Variants in MAPK13 observed in about 807,000 individuals in gnomAD.
MAPK13 encodes the protein mitogen-activated protein kinase 13.
In MAPK13, 39 loss-of-function variants were observed where a neutral mutation model predicts 53.5. The observed-to-expected ratio is 0.73, with a 90% CI of 0.56 to 0.95. The LOEUF (loss-of-function observed/expected upper bound fraction) is 0.95. Among genes scored for constraint, MAPK13 ranks in the 40% least tolerant of loss-of-function variants. The pLI is 0.00. For missense variants in MAPK13, 460 were observed against 471.8 expected (o/e 0.98, Z 0.23); for synonymous variants, 179 against 190.9 (o/e 0.94, Z 0.51).
chr6:36,135,920 G>A, intron 4 of MAPK13, 59 bp downstream of exon 4: 3 of 1,597,736 alleles, frequency 1.9e-6, no homozygotes, highest in Non-Finnish European at 2.6e-6. Context: ...CCTGAGGTTT[G>A]GGGAGGCTGG....
At chr6:36,135,344 A>G (rs1010183848) in intron 3 of MAPK13, among the ~76,000 whole-genome samples, 1 of 152,218 alleles carries the variant, frequency 6.6e-6, no homozygotes, top group Non-Finnish European at 1.5e-5. Flanking sequence ...TTGTGGAGCC[A>G]TCTCAGCTGG....
chr6:36,131,466 G>T, intron 2 of MAPK13, 66 bp downstream of exon 2: 2 of 1,502,724 alleles, frequency 1.3e-6, no homozygotes, highest in Admixed American at 3.6e-5. Context: ...AGGCGCAGGC[G>T]GGGCCTCCCG....
At chr6:36,137,899 C>T (rs1766450819) in intron 8 of MAPK13, among the ~76,000 whole-genome samples, 1 of 130,780 alleles carries the variant, frequency 7.6e-6, no homozygotes, top group Non-Finnish European at 1.5e-5. Flanking sequence ...GTGGAGGTTG[C>T]AGTGAGCCAA....
chr6:36,135,725 T>C, intron 3 of MAPK13, 28 bp from the exon 4 acceptor site: 2 of 1,554,572 alleles, frequency 1.3e-6, no homozygotes, highest in South Asian at 1.1e-5. Context: ...GACCCGGCAC[T>C]GTTCCAAGAA....
At position 36,130,826 on chromosome 6, in the gene MAPK13, T is replaced by C; in HGVS notation, c.119+125T>C. 1 of 530,692 alleles carries C rather than the reference T, an allele frequency of 1.9e-6. No individual in the cohort carries two copies. 32.9% of individuals were successfully genotyped at this position (530,692 alleles called of 1,614,324 possible). ...CCGCGGACCTCAAGGCCCAGCGCCCTCCCCGGGGCCACCCAGCGGCCATCT... is the reference window on the plus strand; with the variant it reads ...CCGCGGACCTCAAGGCCCAGCGCCCCCCCCGGGGCCACCCAGCGGCCATCT... On this transcript the variant is annotated intron_variant, in intron 1 of 11. Coordinates refer to ENST00000211287, the MANE Select transcript of MAPK13 (RefSeq NM_002754.5). This position sits in a 1 kb window ranked among gnomAD's most constrained non-coding sequence, Gnocchi z 4.5.
At position 36,131,473 on chromosome 6, in the gene MAPK13, C is replaced by T. The variant is rs1473402326; in HGVS notation, c.249+73C>T. The T allele has an allele frequency of 3.4e-6, 5 of 1,476,378 alleles. No homozygotes were observed. The South Asian group carries it at 6.2e-5, about 18-fold the overall frequency. 91.5% of individuals were successfully genotyped at this position (1,476,378 alleles called of 1,614,324 possible). ...TCAGGGGCAGGCGCAGGCGGGGCCT[C>T]CCGGTATGGAGAGCTCGGGACAGTC... On this transcript the variant is annotated intron_variant, in intron 2 of 11. Coordinates refer to ENST00000211287, the MANE Select transcript of MAPK13 (RefSeq NM_002754.5).
chr6:36,132,801 A>ACAGGACTGCCAGG, intron 3 of MAPK13, 122 bp downstream of exon 3: 1 of 1,001,020 alleles, frequency 1.0e-6, no homozygotes, highest in Non-Finnish European at 1.6e-6. Flanking sequence ...CTTCCCTGGC[A>ACAGGACTGCCAGG]GTCCTGTGCC....
chr6:36,138,937 GC>G lies in MAPK13; in HGVS notation c.901del (p.Gln301ArgfsTer28), dbSNP rs762497888. On this transcript the variant is annotated frameshift_variant, in exon 11 of 12. Coordinates refer to ENST00000211287, the MANE Select transcript of MAPK13 (RefSeq NM_002754.5). LOFTEE classifies it high-confidence loss of function. ...LDVDKRLTAA[Q>X]ALTHPFFEPF... is the part of the protein sequence containing the mutation. ...ACGTGGACAAGCGCCTGACGGCCGCGCAGGCCCTCACCCATCCCTTCTTTGA... is the reference window on the plus strand; with the variant it reads ...ACGTGGACAAGCGCCTGACGGCCGCGAGGCCCTCACCCATCCCTTCTTTGA... 8.1e-6 allele frequency: 13 copies of G among 1,613,054 alleles called. No individual in the cohort carries two copies. In the Admixed American group the frequency reaches 2.2e-4, roughly 27 times the overall value.
chr6:36,136,383 G>T, intron 5 of MAPK13, 101 bp from the exon 6 acceptor site: 1 of 992,844 alleles, frequency 1.0e-6, no homozygotes, highest in East Asian at 2.6e-5. Flanking sequence ...GGCCCAGAAG[G>T]GGAAGGGGCC....
chr6:36,131,489 C>G, intron 2 of MAPK13, 89 bp downstream of exon 2: 1 of 1,314,796 alleles, frequency 7.6e-7, no homozygotes. Flanking sequence ...ATGGAGAGCT[C>G]GGGACAGTCT....
chr6:36,136,139 G>A (rs1430197077), intron 5 of MAPK13, 91 bp downstream of exon 5: 1 of 1,510,636 alleles, frequency 6.6e-7, no homozygotes, highest in Non-Finnish European at 9.2e-7. Flanking sequence ...GAAAGTTGGA[G>A]GGAGGGGACA....
rs780553647 is a variant in MAPK13, at chr6:36,142,723, G to C, written c.*3350G>C. ...TCTCCTGAAAATCTCTATTATTTCAGACTCCCAGACCCCACCCCCCGCTTC... is the reference window on the plus strand; with the variant it reads ...TCTCCTGAAAATCTCTATTATTTCACACTCCCAGACCCCACCCCCCGCTTC... On this transcript the variant is annotated 3_prime_UTR_variant, in exon 12 of 12. Coordinates refer to ENST00000211287, the MANE Select transcript of MAPK13 (RefSeq NM_002754.5). The surrounding 1 kb of genome is among the most constrained non-coding windows in gnomAD (Gnocchi z 4.4). The C allele has an allele frequency of 6.6e-6, 1 of 152,352 alleles. No individual in the cohort carries two copies. Among genetic ancestry groups the C allele is most frequent in the African/African-American group, 2.4e-5 (1 of 41,440 alleles). 9.4% of individuals were successfully genotyped at this position (152,352 alleles called of 1,614,324 possible).
Position 36,136,770 on chromosome 6 carries a change from G to A in MAPK13, c.610G>A (p.Val204Met), listed in dbSNP as rs756669245. The A allele has an allele frequency of 2.5e-6, 4 of 1,613,884 alleles. No individual in the cohort carries two copies. Among genetic ancestry groups the A allele is most frequent in the Non-Finnish European group, 3.4e-6 (4 of 1,179,806 alleles). ...ILSWMHYNQT[V>M]DIWSVGCIMA... ...CAGCTGGATGCACTACAACCAGACAGGTCAGTGGTCAATGCCTGAGAGGGC... is the reference window on the plus strand; with the variant it reads ...CAGCTGGATGCACTACAACCAGACAAGTCAGTGGTCAATGCCTGAGAGGGC... Residue 204 changes from valine to methionine, a missense_variant and splice_region_variant, in exon 7 of 12, where the codon GTG (valine) becomes ATG (methionine). Transcript: ENST00000211287.
chr6:36,133,772 T>C (rs1444216788), intron 3 of MAPK13, among the ~76,000 whole-genome samples: 4 of 152,068 alleles, frequency 2.6e-5, no homozygotes, highest in Non-Finnish European at 4.4e-5. Context: ...AATTGTAGAA[T>C]GTGGTAAGAT....
Position 36,140,152 on chromosome 6 carries a change from G to A in MAPK13, c.*779G>A, listed in dbSNP as rs1398954385. 1 of 152,280 alleles carries A rather than the reference G, an allele frequency of 6.6e-6. No individual in the cohort carries two copies. Among genetic ancestry groups the A allele is most frequent in the Non-Finnish European group, 1.5e-5 (1 of 68,072 alleles). 9.4% of individuals were successfully genotyped at this position (152,280 alleles called of 1,614,324 possible). A position where few individuals can be genotyped will look rare whatever the true frequency, so the allele number is the denominator to read the frequency against. On this transcript the variant is annotated 3_prime_UTR_variant, in exon 12 of 12. Coordinates refer to ENST00000211287, the MANE Select transcript of MAPK13 (RefSeq NM_002754.5). ...GCCCCGTGCTGAGGCCTTGTGCTCT[G>A]TGAAGGAACCCAATGTGTTTGGCTG...
intron 2 of MAPK13, 78 bp downstream of exon 2, chr6:36,131,478 T>C: frequency 7.0e-7 from 1 of 1,424,432 alleles, no homozygotes; most frequent in Non-Finnish European, 9.6e-7. Flanking sequence ...GGCCTCCCGG[T>C]ATGGAGAGCT....
At chr6:36,135,637 T>A in intron 3 of MAPK13, 116 bp from the exon 4 acceptor site, 1 of 652,492 alleles carries the variant, frequency 1.5e-6, no homozygotes, top group African/African-American at 1.8e-5. Context: ...GTTGAGTTTT[T>A]GCACACTGGA....
chr6:36,135,396 A>G (rs188400642), intron 3 of MAPK13, among the ~76,000 whole-genome samples: 1 of 152,360 alleles, frequency 6.6e-6, no homozygotes, highest in African/African-American at 2.4e-5. Flanking sequence ...CAGAAGCCGA[A>G]GGAAATACTG....
Position 36,130,532 on chromosome 6 carries a change from G to C in MAPK13, c.-51G>C, listed in dbSNP as rs1393717422. On this transcript the variant is annotated 5_prime_UTR_variant, in exon 1 of 12. Coordinates refer to ENST00000211287, the MANE Select transcript of MAPK13 (RefSeq NM_002754.5). This position sits in a 1 kb window ranked among gnomAD's most constrained non-coding sequence, Gnocchi z 4.5. ...GGGGTCGGGGCGCTGGGAGCCCGTT[G>C]GGCCGCGAACGCAGCCGCCACGCTG... The C allele has an allele frequency of 2.1e-6, 2 of 948,088 alleles. No homozygotes were observed. The highest frequency in any genetic ancestry group is 1.8e-5 in the African/African-American group (1 of 56,810). 58.7% of individuals were successfully genotyped at this position (948,088 alleles called of 1,614,324 possible). A position where few individuals can be genotyped will look rare whatever the true frequency, so the allele number is the denominator to read the frequency against.
Sources: gnomAD v4.1 joint callset for allele counts (sites outside exome capture counted in the v4.1 genomes callset) on GRCh38, gnomAD v4.1.1 for gene constraint, Gnocchi (gnomAD v3.1) non-coding constraint, MANE v1.5 for transcripts, NCBI Gene and HGNC (gene_info 2026-07-23, HGNC 2026-07-21) for gene names.